Variants in CDH3 observed in about 807,000 individuals in gnomAD.
CDH3 encodes cadherin 3, also known as cadherin-3.
CDH3 carries 54 observed loss-of-function variants against 82.0 expected under a neutral mutation model. That is an observed-to-expected ratio of 0.66 (90% CI 0.53 to 0.83). CDH3 has a LOEUF of 0.83. Among genes scored for constraint, CDH3 ranks in the 40% least tolerant of loss-of-function variants. CDH3 has a pLI of 0.00. For missense variants in CDH3, 1,054 were observed against 1,084.6 expected (o/e 0.97, Z 0.40); for synonymous variants, 446 against 437.9 (o/e 1.02, Z -0.23).
chr16:68,730,393 G>A (rs1233214150), downstream of CDH3, among the ~76,000 whole-genome samples: 1 of 151,940 alleles, frequency 6.6e-6, no homozygotes, highest in Admixed American at 6.6e-5. Flanking sequence ...GGGTTTGGTG[G>A]TACATGCCTG....
At chr16:68,647,251 C>G (rs971285363) in intron 2 of CDH3, among the ~76,000 whole-genome samples, 1 of 144,524 alleles carries the variant, frequency 6.9e-6, no homozygotes, top group African/African-American at 2.5e-5. Flanking sequence ...GCCAAATCTA[C>G]GCCCCCTCCC....
chr16:68,647,623 A>T lies in CDH3; in HGVS notation c.160+1873A>T, dbSNP rs115630680. ...ACTCCCTGCCACACGGCTGGGTCTT[A>T]GAGTAGGCTTCTGGTGGCATGGGCT... On this transcript the variant is annotated intron_variant, in intron 2 of 15. Transcript: ENST00000264012. Among the ~76,000 whole-genome samples the T allele has an allele frequency of 5.3e-3, 806 of 152,250 alleles. 4 individuals carry two copies. Among genetic ancestry groups the T allele is most frequent in the African/African-American group, 0.018 (750 of 41,560 alleles).
At chr16:68,655,695 A>AC (rs1960395143) in intron 2 of CDH3, among the ~76,000 whole-genome samples, 1 of 133,548 alleles carries the variant, frequency 7.5e-6, no homozygotes, top group Non-Finnish European at 1.7e-5. Context: ...AACAACAACA[A>AC]ACAAACAAAC....
Position 68,684,671 on chromosome 16 carries a change from C to A in CDH3, c.1271C>A (p.Thr424Lys). 6.2e-7 allele frequency: 1 copy of A among 1,614,228 alleles called. No homozygotes were observed. The highest frequency in any genetic ancestry group is 1.1e-5 in the South Asian group (1 of 91,088). The change falls in exon 10 of 16, where the codon ACA becomes AAA. Residue 424 changes from threonine (T) to lysine (K), a missense_variant. Coordinates refer to ENST00000264012, the MANE Select transcript of CDH3 (RefSeq NM_001793.6). ...APFVLKLPTS[T>K]ATIVVHVEDV... The stretch of plus-strand genomic sequence containing the variant: ...TTTGTGCTGAAGCTCCCAACCTCCA[C>A]AGCCACCATAGTGGTCCACGTGGAG...
intron 1 of CDH3, among the ~76,000 whole-genome samples, chr16:68,719,254 G>GA (rs71148938): frequency 0.55 from 78,672 of 143,344 alleles, 21,543 homozygotes; most frequent in Middle Eastern, 0.62. Context: ...CAAAAAAAAA[G>GA]AAAAAAAAAA....
chr16:68,681,292 T>C lies in CDH3; in HGVS notation c.996+196T>C, dbSNP rs901339544. Among the ~76,000 whole-genome samples the C allele has an allele frequency of 3.9e-5, 6 of 152,366 alleles. No individual in the cohort carries two copies. The South Asian group carries it at 1.2e-3, about 32-fold the overall frequency. On this transcript the variant is annotated intron_variant, in intron 8 of 15. Coordinates refer to ENST00000264012, the MANE Select transcript of CDH3 (RefSeq NM_001793.6). The stretch of plus-strand genomic sequence containing the variant: ...AAAAGGAGATAATGATAATACCTGC[T>C]GCATTGTTCTGAGTTTCAAATGAAA...
At chr16:68,730,587 G>A (rs1047864235), downstream of CDH3, among the ~76,000 whole-genome samples, 1 of 152,156 alleles carries the variant, frequency 6.6e-6, no homozygotes, top group African/African-American at 2.4e-5. Context: ...ATGTGGCTTA[G>A]CCATTCAATG....
chr16:68,696,897 T>C (rs1432450905), intron 15 of CDH3: 1 of 152,132 alleles, frequency 6.6e-6, no homozygotes, highest in Non-Finnish European at 1.5e-5. Flanking sequence ...GATCTAGTCT[T>C]GTGTACAAAC....
downstream of CDH3, among the ~76,000 whole-genome samples, chr16:68,728,815 C>CCTGA (rs1343531867): frequency 6.6e-6 from 1 of 152,116 alleles, no homozygotes; most frequent in Admixed American, 6.5e-5. Flanking sequence ...AGCTTAGCAT[C>CCTGA]CTGAAAGTGA....
intron 2 of CDH3, among the ~76,000 whole-genome samples, chr16:68,654,110 G>T (rs1427090850): frequency 6.8e-6 from 1 of 146,094 alleles, no homozygotes; most frequent in East Asian, 2.1e-4. Flanking sequence ...CCCAGGCTAG[G>T]GTGCAGTGGC....
At chr16:68,678,395 C>G (rs990577321) in intron 4 of CDH3, 106 bp from the exon 5 acceptor site, 3 of 1,577,584 alleles carry the variant, frequency 1.9e-6, no homozygotes, top group Non-Finnish European at 1.7e-6. Context: ...CTCTCCTGTT[C>G]AGTGAGCAGA....
intron 2 of CDH3, among the ~76,000 whole-genome samples, chr16:68,665,128 G>C (rs937943860): frequency 6.6e-6 from 1 of 152,074 alleles, no homozygotes; most frequent in Non-Finnish European, 1.5e-5. Context: ...GCACAACACA[G>C]CTGGGCACAG....
intron 2 of CDH3, among the ~76,000 whole-genome samples, chr16:68,669,622 G>T (rs954210927): frequency 3.3e-5 from 5 of 151,912 alleles, no homozygotes; most frequent in Non-Finnish European, 7.4e-5. Flanking sequence ...GTGGCGGGGG[G>T]GGTGGGCGGT....
At chr16:68,685,579 G>T (rs1392105003) in intron 11 of CDH3, among the ~76,000 whole-genome samples, 3 of 152,232 alleles carry the variant, frequency 2.0e-5, no homozygotes, top group Non-Finnish European at 4.4e-5. Context: ...GCCAAGGCAG[G>T]TAGATCACCT....
At chr16:68,692,800 G>A (rs1961611942) in intron 13 of CDH3, among the ~76,000 whole-genome samples, 1 of 152,160 alleles carries the variant, frequency 6.6e-6, no homozygotes, top group South Asian at 2.1e-4. Context: ...TCAATCATAT[G>A]AATACAACAA....
chr16:68,684,706 G>A lies in CDH3; in HGVS notation c.1306G>A (p.Glu436Lys). Residue 436 changes from glutamate to lysine, a missense_variant, in exon 10 of 16, where the codon GAG becomes AAG. By Grantham distance (56) the Glu-to-Lys change is moderately conservative. Coordinates refer to ENST00000264012, the MANE Select transcript of CDH3 (RefSeq NM_001793.6). ...AGTGGTCCACGTGGAGGATGTGAATGAGGCACCTGTGTTTGTCCCACCCTC... is the reference window on the plus strand; with the variant it reads ...AGTGGTCCACGTGGAGGATGTGAATAAGGCACCTGTGTTTGTCCCACCCTC... ...TIVVHVEDVN[E>K]APVFVPPSKV... The A allele has an allele frequency of 6.2e-7, 1 of 1,614,220 alleles. No homozygotes were observed.
chr16:68,681,623 A>G (rs1961232009), intron 8 of CDH3, among the ~76,000 whole-genome samples: 1 of 152,224 alleles, frequency 6.6e-6, no homozygotes, highest in Non-Finnish European at 1.5e-5. Flanking sequence ...AACACTTTTG[A>G]GGCCAGGAGT....
intron 11 of CDH3, chr16:68,686,461 AAGG>A (rs1961416259): frequency 1.5e-6 from 2 of 1,315,626 alleles, no homozygotes; most frequent in Admixed American, 3.4e-5. Context: ...ACTGTAACCA[AAGG>A]AGGCATTATG....
At chr16:68,697,993 T>C in intron 15 of CDH3, 198 bp from the exon 16 acceptor site, 1 of 651,334 alleles carries the variant, frequency 1.5e-6, no homozygotes, top group Non-Finnish European at 2.8e-6. Flanking sequence ...CCTTACCCCC[T>C]GGCCTGTGTT....
Sources: gnomAD v4.1 joint callset for allele counts (sites outside exome capture counted in the v4.1 genomes callset) on GRCh38, gnomAD v4.1.1 for gene constraint, MANE v1.5 for transcripts, NCBI Gene and HGNC (gene_info 2026-07-23, HGNC 2026-07-21) for gene names.